FAM162A: variants seen among roughly 807,000 people sequenced by gnomAD.
The protein encoded by FAM162A is family with sequence similarity 162 member A, also known as protein FAM162A.
A neutral mutation model predicts 21.8 loss-of-function variants in FAM162A; 23 were observed. That is an observed-to-expected ratio of 1.05 (90% CI 0.76 to 1.49). The LOEUF is 1.49. Among genes scored for constraint, FAM162A ranks in the 40% most tolerant of loss-of-function variants. The probability of loss-of-function intolerance (pLI) is 0.00; values close to 1 mark genes in which losing one functional copy is unlikely to be tolerated. For missense variants in FAM162A, 165 were observed against 186.4 expected (o/e 0.89, Z 0.67); for synonymous variants, 53 against 61.3 (o/e 0.86, Z 0.64).
At chr3:122,395,438 A>G (rs1012609967) in intron 1 of FAM162A, among the ~76,000 whole-genome samples, 1 of 152,268 alleles carries the variant, frequency 6.6e-6, no homozygotes, top group Admixed American at 6.5e-5. Context: ...AAATAATGCA[A>G]ACATGAAGAA....
At chr3:122,389,404 T>C (rs995463714) in intron 1 of FAM162A, among the ~76,000 whole-genome samples, 1 of 151,488 alleles carries the variant, frequency 6.6e-6, no homozygotes, top group African/African-American at 2.4e-5. Context: ...GATAGATAGA[T>C]AGATAGATAG....
intron 3 of FAM162A, among the ~76,000 whole-genome samples, chr3:122,404,871 G>C (rs372940404): frequency 1.6e-3 from 241 of 152,284 alleles, no homozygotes; most frequent in African/African-American, 5.5e-3. Context: ...GATGAGTGCA[G>C]GTTCCTCCAA....
At chr3:122,403,387 T>C (rs907071455) in intron 2 of FAM162A, among the ~76,000 whole-genome samples, 1 of 152,222 alleles carries the variant, frequency 6.6e-6, no homozygotes, top group African/African-American at 2.4e-5. Context: ...TGTAGGAGAA[T>C]GGATGCACCA....
chr3:122,388,725 A>C (rs2107694905), intron 1 of FAM162A, among the ~76,000 whole-genome samples: 1 of 152,284 alleles, frequency 6.6e-6, no homozygotes, highest in Admixed American at 6.5e-5. Flanking sequence ...GGAAGAGTAG[A>C]GTCAGAAGGG....
chr3:122,384,317 A>C lies in FAM162A; in HGVS notation c.34+18A>C, dbSNP rs1295369406. 5.7e-6 allele frequency: 9 copies of C among 1,570,756 alleles called. No homozygotes were observed. Among genetic ancestry groups the C allele is most frequent in the Middle Eastern group, 3.3e-4 (2 of 5,998 alleles). On this transcript the variant is annotated intron_variant, in intron 1 of 4. Coordinates refer to ENST00000477892, the MANE Select transcript of FAM162A (RefSeq NM_014367.4). Reference sequence around the variant, plus strand: ...GGCAGCAGGTGAGACGCCGGTCGGGATATGGGAGGTAGGGGAGCTGGCCCG... The same window carrying C: ...GGCAGCAGGTGAGACGCCGGTCGGGCTATGGGAGGTAGGGGAGCTGGCCCG...
At chr3:122,406,803 G>A (rs183954840) in intron 3 of FAM162A, among the ~76,000 whole-genome samples, 5 of 152,300 alleles carry the variant, frequency 3.3e-5, no homozygotes, top group East Asian at 3.9e-4. Flanking sequence ...ATTGTGCTTT[G>A]TGTTGAAACA....
Position 122,384,222 on chromosome 3 carries a change from TCC to T in FAM162A, c.-41_-40del. 1 of 1,555,126 alleles carries T rather than the reference TCC, an allele frequency of 6.4e-7. No individual in the cohort carries two copies. The highest frequency in any genetic ancestry group is 8.7e-7 in the Non-Finnish European group (1 of 1,149,754). On this transcript the variant is annotated 5_prime_UTR_variant, in exon 1 of 5. Coordinates refer to ENST00000477892, the MANE Select transcript of FAM162A (RefSeq NM_014367.4). ...GACATTGAGCTCACCAGCGCCACCG[TCC>T]CCGGCGAAGTTCTGCGCTGGTCGGC...
At position 122,410,047 on chromosome 3, in the gene FAM162A, C is replaced by G. The variant is rs867763109; in HGVS notation, c.*216C>G. On this transcript the variant is annotated 3_prime_UTR_variant, in exon 5 of 5. Transcript: ENST00000477892. ...TCCAAGTCAAGTGTAGCCTCTCAGC[C>G]TTTTGGAGAAAAATGAAACAATTTA... 7.2e-6 allele frequency: 4 copies of G among 553,410 alleles called. No homozygotes were observed. Among genetic ancestry groups the G allele is most frequent in the Middle Eastern group, 9.6e-4 (2 of 2,094 alleles). The allele number at this position is 553,410 out of a possible 1,614,324, so 34.3% of individuals were successfully genotyped here.
intron 1 of FAM162A, 134 bp downstream of exon 1, chr3:122,384,433 C>T (rs1384595923): frequency 3.6e-6 from 4 of 1,107,616 alleles, no homozygotes; most frequent in East Asian, 5.1e-5. Flanking sequence ...AGAATCCTAC[C>T]TACTTAGTAG....
At chr3:122,384,459 C>G (rs2075563646) in intron 1 of FAM162A, among the ~76,000 whole-genome samples, 160 bp downstream of exon 1, 1 of 152,136 alleles carries the variant, frequency 6.6e-6, no homozygotes, top group African/African-American at 2.4e-5. Flanking sequence ...TGGGAGGGAA[C>G]TAGGTGAGCA....
At chr3:122,391,771 G>A (rs1349125994) in intron 1 of FAM162A, among the ~76,000 whole-genome samples, 1 of 152,112 alleles carries the variant, frequency 6.6e-6, no homozygotes, top group African/African-American at 2.4e-5. Context: ...TTTCTGTTTG[G>A]AATATTCTTC....
chr3:122,396,485 A>G (rs1429243722), intron 1 of FAM162A, among the ~76,000 whole-genome samples: 3 of 152,328 alleles, frequency 2.0e-5, no homozygotes, highest in South Asian at 2.1e-4. Flanking sequence ...TATAATCAAA[A>G]AGAATAACAA....
In FAM162A at chr3:122,408,837, A is replaced by G. The variant is rs534136965; in HGVS notation, c.373-902A>G. 2.4e-4 allele frequency among the ~76,000 whole-genome samples: 36 copies of G among 152,266 alleles called. No homozygotes were observed. The South Asian group carries it at 5.4e-3, about 23-fold the overall frequency. ...CATCATCCAGGGGTATATGCTGTGT[A>G]TTTTAGAGAGTTCTTCTCCTGTTCT... On this transcript the variant is annotated intron_variant, in intron 4 of 4. Coordinates refer to ENST00000477892, the MANE Select transcript of FAM162A (RefSeq NM_014367.4).
chr3:122,398,618 A>G (rs2075639799), intron 1 of FAM162A, among the ~76,000 whole-genome samples: 1 of 152,192 alleles, frequency 6.6e-6, no homozygotes, highest in African/African-American at 2.4e-5. Flanking sequence ...TTTAACAAAT[A>G]AATTATTTTA....
At chr3:122,392,967 A>C (rs373599720) in intron 1 of FAM162A, among the ~76,000 whole-genome samples, 4 of 152,332 alleles carry the variant, frequency 2.6e-5, no homozygotes, top group East Asian at 3.9e-4. Context: ...AGATGCTCCC[A>C]TATTTGCTTT....
chr3:122,407,182 C>T, intron 3 of FAM162A, 99 bp from the exon 4 acceptor site: 1 of 863,418 alleles, frequency 1.2e-6, no homozygotes. Context: ...TATTTATAGA[C>T]ACTACTACAT....
At position 122,409,830 on chromosome 3, in the gene FAM162A, A is replaced by G. The variant is rs2075695826; in HGVS notation, c.464A>G (p.Ter155TrpextTer17). 6.2e-7 allele frequency: 1 copy of G among 1,613,294 alleles called. No homozygotes were observed. Among genetic ancestry groups the G allele is most frequent in the African/African-American group, 1.3e-5 (1 of 74,922 alleles). Residue 155 changes from the stop codon to tryptophan (W), a stop_lost, in exon 5 of 5, where the codon TAG becomes TGG. Coordinates refer to ENST00000477892, the MANE Select transcript of FAM162A (RefSeq NM_014367.4). ...EEAAMKAKTE* is the reference protein window; with the variant it reads ...EEAAMKAKTEW ...GCAGCTATGAAGGCCAAAACAGAGT[A>G]GCAGAGGTATCCGTGTTGGCTGGAT...
At chr3:122,398,341 A>G (rs2075638797) in intron 1 of FAM162A, among the ~76,000 whole-genome samples, 1 of 152,232 alleles carries the variant, frequency 6.6e-6, no homozygotes, top group Non-Finnish European at 1.5e-5. Context: ...GGAACTTTCT[A>G]AAAGGTGAAT....
intron 1 of FAM162A, among the ~76,000 whole-genome samples, chr3:122,387,820 T>C (rs2075581672): frequency 6.6e-6 from 1 of 152,124 alleles, no homozygotes; most frequent in East Asian, 1.9e-4. Context: ...TACCATTGGC[T>C]TCAAGAATTC....
Sources: gnomAD v4.1 joint callset for allele counts (sites outside exome capture counted in the v4.1 genomes callset) on GRCh38, gnomAD v4.1.1 for gene constraint, MANE v1.5 for transcripts, NCBI Gene and HGNC (gene_info 2026-07-23, HGNC 2026-07-21) for gene names.